EHMT1: variants seen among roughly 807,000 people sequenced by gnomAD.
The protein encoded by EHMT1 is euchromatic histone lysine methyltransferase 1.
In EHMT1, 15 loss-of-function variants were observed where a neutral mutation model predicts 147.2. The ratio of observed to expected loss-of-function variants is 0.10; its 90% CI spans 0.07 to 0.16. The LOEUF is 0.16. Among genes scored for constraint, EHMT1 ranks in the 10% least tolerant of loss-of-function variants. The pLI is 1.00. For missense variants in EHMT1, 1,587 were observed against 1,772.4 expected (o/e 0.90, Z 1.88); for synonymous variants, 795 against 709.6 (o/e 1.12, Z -1.91).
At chr9:137,780,108 G>A (rs140266338) in intron 14 of EHMT1, among the ~76,000 whole-genome samples, 4,130 of 147,602 alleles carry the variant, frequency 0.028, 67 homozygotes, top group Middle Eastern at 0.065. Flanking sequence ...ATGTGATGAC[G>A]CTGGGATGTG....
chr9:137,720,592 C>T (rs1359325053), intron 3 of EHMT1, among the ~76,000 whole-genome samples: 7 of 152,168 alleles, frequency 4.6e-5, no homozygotes, highest in South Asian at 2.1e-4. Flanking sequence ...CATGATCCAA[C>T]GTGCCCGGCC....
intron 8 of EHMT1, among the ~76,000 whole-genome samples, chr9:137,756,282 G>T (rs1949372213): frequency 6.6e-6 from 1 of 152,224 alleles, no homozygotes; most frequent in East Asian, 1.9e-4. Flanking sequence ...TGCTTGAGTT[G>T]ATTTTTCTCC....
chr9:137,628,699 G>A (rs780466717), intron 1 of EHMT1, among the ~76,000 whole-genome samples: 6 of 152,180 alleles, frequency 3.9e-5, no homozygotes, highest in African/African-American at 1.4e-4. Flanking sequence ...GGTTGTGGTC[G>A]GAAGGTTCTG....
chr9:137,805,410 T>C (rs1293187816), intron 18 of EHMT1, among the ~76,000 whole-genome samples: 1 of 152,196 alleles, frequency 6.6e-6, no homozygotes, highest in African/African-American at 2.4e-5. Flanking sequence ...TCAGAGTCAG[T>C]TGTCCACATG....
At chr9:137,795,986 C>T (rs1006979992) in intron 16 of EHMT1, among the ~76,000 whole-genome samples, 2 of 152,180 alleles carry the variant, frequency 1.3e-5, no homozygotes, top group South Asian at 2.1e-4. Flanking sequence ...AACAGCAGAG[C>T]GACAGATGCC....
chr9:137,701,414 G>T (rs1943814927), intron 1 of EHMT1, among the ~76,000 whole-genome samples: 1 of 151,788 alleles, frequency 6.6e-6, no homozygotes. Context: ...TTCCTGAGTA[G>T]CTGGGATTGC....
chr9:137,724,941 GTGGGGCAGGCGTGTGGCATTCA>G (rs1385940140), intron 3 of EHMT1, among the ~76,000 whole-genome samples: 1 of 120,674 alleles, frequency 8.3e-6, no homozygotes, highest in Non-Finnish European at 1.6e-5. Flanking sequence ...TGTGGCATTC[GTGGGGCAGGCGTGTGGCATTCA>G]TGGGGCATTC....
intron 1 of EHMT1, among the ~76,000 whole-genome samples, chr9:137,649,969 A>G (rs1249244120): frequency 2.0e-5 from 3 of 152,230 alleles, no homozygotes; most frequent in Non-Finnish European, 4.4e-5. Context: ...TTGCATGTCA[A>G]GCTACAGTGG....
chr9:137,824,148 C>T (rs1955650091), intron 25 of EHMT1, among the ~76,000 whole-genome samples: 1 of 152,136 alleles, frequency 6.6e-6, no homozygotes, highest in Non-Finnish European at 1.5e-5. Context: ...TGGCACGCTC[C>T]TGTAATCCCA....
At chr9:137,698,227 A>G (rs1370977829) in intron 1 of EHMT1, among the ~76,000 whole-genome samples, 1 of 152,264 alleles carries the variant, frequency 6.6e-6, no homozygotes. Flanking sequence ...AGCATGTTGT[A>G]GAAAAGCAGG....
intron 6 of EHMT1, among the ~76,000 whole-genome samples, chr9:137,749,178 AAGCTCCTGGCC>A (rs901161142): frequency 1.3e-5 from 2 of 152,014 alleles, no homozygotes; most frequent in African/African-American, 4.8e-5. Flanking sequence ...CAGATGTGGG[AAGCTCCTGGCC>A]TGCTCCTGGC....
At chr9:137,712,550 T>A (rs139432276) in intron 2 of EHMT1, among the ~76,000 whole-genome samples, 295 of 152,354 alleles carry the variant, frequency 1.9e-3, no homozygotes, top group African/African-American at 6.1e-3. Flanking sequence ...ATGTTGAGCA[T>A]CATTTCGTGT....
In EHMT1 at chr9:137,717,095, C is replaced by T. The variant is rs769707199; in HGVS notation, c.555C>T (p.Asp185=). 8 of 1,612,292 alleles carry T rather than the reference C, an allele frequency of 5.0e-6. No homozygotes were observed. The highest frequency in any genetic ancestry group is 1.7e-5 in the Admixed American group (1 of 60,002). Reference sequence around the variant, plus strand: ...CCACCCTTGGGGAGGGGAGTGCTGACACAGAGGACAGGAAGCTCCCGGCCC... The same window carrying T: ...CCACCCTTGGGGAGGGGAGTGCTGATACAGAGGACAGGAAGCTCCCGGCCC... ...PPATLGEGSA[D]TEDRKLPAPG... is the part of the protein sequence containing the mutation. The change falls in exon 3 of 27, where the codon GAC becomes GAT. Residue 185 remains aspartate, a synonymous_variant. Coordinates refer to ENST00000460843, the MANE Select transcript of EHMT1 (RefSeq NM_024757.5).
chr9:137,734,235 TGG>T, intron 4 of EHMT1, among the ~76,000 whole-genome samples: 1 of 152,036 alleles, frequency 6.6e-6, no homozygotes, highest in East Asian at 1.9e-4. Flanking sequence ...AAGGAAGGTA[TGG>T]AGAGAGTCAA....
chr9:137,800,558 T>C, intron 17 of EHMT1: 2 of 407,514 alleles, frequency 4.9e-6, no homozygotes, highest in South Asian at 4.8e-5. Context: ...ATTAGACTCG[T>C]TGCACGCAGC....
intron 10 of EHMT1, among the ~76,000 whole-genome samples, chr9:137,767,902 G>A (rs1050726295): frequency 6.6e-6 from 1 of 152,134 alleles, no homozygotes; most frequent in East Asian, 1.9e-4. Context: ...GGAACATTTT[G>A]CATTTCAGAT....
intron 19 of EHMT1, 94 bp downstream of exon 19, chr9:137,811,709 G>A (rs1483953034): frequency 2.6e-6 from 4 of 1,518,218 alleles, no homozygotes; most frequent in African/African-American, 1.4e-5. Flanking sequence ...CACTTGGGGC[G>A]TGAGTGGACA....
intron 1 of EHMT1, among the ~76,000 whole-genome samples, chr9:137,622,275 C>T (rs1274395926): frequency 1.3e-5 from 2 of 152,064 alleles, no homozygotes; most frequent in African/African-American, 4.8e-5. Context: ...CCTGCCACCA[C>T]ACCTGGCTAA....
intron 1 of EHMT1, among the ~76,000 whole-genome samples, chr9:137,645,073 A>G (rs1844788954): frequency 1.3e-5 from 2 of 152,084 alleles, no homozygotes; most frequent in South Asian, 2.1e-4. Flanking sequence ...GGGTTTCGCC[A>G]TGTTGGCCAG....
Sources: gnomAD v4.1 joint callset for allele counts (sites outside exome capture counted in the v4.1 genomes callset) on GRCh38, gnomAD v4.1.1 for gene constraint, MANE v1.5 for transcripts, NCBI Gene and HGNC (gene_info 2026-07-23, HGNC 2026-07-21) for gene names.